VRK1: variants seen among roughly 807,000 people sequenced by gnomAD.
VRK1 encodes VRK serine/threonine kinase 1.
A neutral mutation model predicts 57.1 loss-of-function variants in VRK1; 33 were observed. The ratio of observed to expected loss-of-function variants is 0.58; its 90% confidence interval spans 0.44 to 0.77. VRK1 has a LOEUF of 0.77. Among genes scored for constraint, VRK1 ranks in the 30% least tolerant of loss-of-function variants. The probability of loss-of-function intolerance (pLI) is 0.00; values close to 1 mark genes in which losing one functional copy is unlikely to be tolerated. For missense variants in VRK1, 413 were observed against 477.3 expected (o/e 0.87, Z 1.25); for synonymous variants, 137 against 147.8 (o/e 0.93, Z 0.53).
chr14:96,820,732 TATA>T (rs1431937457), intron 1 of VRK1, among the ~76,000 whole-genome samples: 1 of 152,244 alleles, frequency 6.6e-6, no homozygotes, highest in Non-Finnish European at 1.5e-5. Flanking sequence ...AAGAATGTAT[TATA>T]ATATCAAACA....
chr14:96,868,502 C>T (rs557103756), intron 11 of VRK1, among the ~76,000 whole-genome samples: 40 of 152,274 alleles, frequency 2.6e-4, no homozygotes, highest in African/African-American at 9.1e-4. Context: ...ATAGCAAATA[C>T]AGGGCATTTT....
intron 4 of VRK1, among the ~76,000 whole-genome samples, chr14:96,846,851 GTATA>G (rs1887719165): frequency 6.6e-6 from 1 of 151,912 alleles, no homozygotes; most frequent in African/African-American, 2.4e-5. Flanking sequence ...ATGAGATAAA[GTATA>G]TAAGAGGATG....
At chr14:96,864,106 T>G (rs999869500) in intron 11 of VRK1, among the ~76,000 whole-genome samples, 1 of 152,226 alleles carries the variant, frequency 6.6e-6, no homozygotes, top group African/African-American at 2.4e-5. Context: ...TTCTAATGGT[T>G]TGATCATAGT....
rs182942502 is a variant in VRK1, at chr14:96,842,632, G to C, written c.217-3463G>C. 2.6e-5 allele frequency among the ~76,000 whole-genome samples: 4 copies of C among 152,280 alleles called. No homozygotes were observed. The East Asian group carries it at 7.7e-4, about 29-fold the overall frequency. On this transcript the variant is annotated intron_variant, in intron 3 of 12. Coordinates refer to ENST00000216639, the MANE Select transcript of VRK1 (RefSeq NM_003384.3). ...AAATGTTACGAAATAAAGGCAAATT[G>C]ATTTTCTAATGTGAAATTTTACTTA...
At position 96,843,888 on chromosome 14, in the gene VRK1, T is replaced by C. The variant is rs187771990; in HGVS notation, c.217-2207T>C. On this transcript the variant is annotated intron_variant, in intron 3 of 12. Coordinates refer to ENST00000216639, the MANE Select transcript of VRK1 (RefSeq NM_003384.3). ...TGAGCTCAGAGAGCCTTCCTTGTAG[T>C]GGGCTTTCATTATAATAGCCTGATT... Among the ~76,000 whole-genome samples the C allele has an allele frequency of 3.0e-4, 45 of 152,332 alleles. 1 individual carries two copies. The East Asian group carries it at 8.7e-3, about 29-fold the overall frequency.
intron 1 of VRK1, among the ~76,000 whole-genome samples, chr14:96,829,754 C>T (rs1029482550): frequency 5.9e-5 from 9 of 152,096 alleles, no homozygotes; most frequent in African/African-American, 2.2e-4. Flanking sequence ...GATAGTTGTA[C>T]TATATCTACA....
intron 3 of VRK1, among the ~76,000 whole-genome samples, chr14:96,845,044 G>A (rs1693856829): frequency 6.6e-6 from 1 of 152,070 alleles, no homozygotes; most frequent in South Asian, 2.1e-4. Context: ...AAGGTAGTAG[G>A]CCTCATTACT....
intron 1 of VRK1, among the ~76,000 whole-genome samples, chr14:96,799,550 TGAAGC>T (rs1476870703): frequency 1.3e-5 from 2 of 152,216 alleles, no homozygotes; most frequent in South Asian, 2.1e-4. Flanking sequence ...TATTTGGAAA[TGAAGC>T]GAAGCTTTAA....
At chr14:96,798,868 A>G (rs146620687) in intron 1 of VRK1, among the ~76,000 whole-genome samples, 99 of 152,322 alleles carry the variant, frequency 6.5e-4, no homozygotes, top group African/African-American at 2.3e-3. Flanking sequence ...TCTGTTACCT[A>G]TAGAAGGGAA....
chr14:96,824,462 A>G (rs28640027), intron 1 of VRK1, among the ~76,000 whole-genome samples: 7,236 of 152,224 alleles, frequency 0.048, 193 homozygotes, highest in Non-Finnish European at 0.063. Flanking sequence ...GCTAGATTTC[A>G]TAGCATGGAA....
At chr14:96,861,359 TATTG>T (rs1288435720) in intron 11 of VRK1, among the ~76,000 whole-genome samples, 5 of 152,202 alleles carry the variant, frequency 3.3e-5, no homozygotes, top group Non-Finnish European at 7.4e-5. Context: ...ACTGATTTGC[TATTG>T]ATTATTTTTG....
intron 11 of VRK1, among the ~76,000 whole-genome samples, chr14:96,871,994 C>T (rs915762993): frequency 5.3e-5 from 8 of 151,970 alleles, no homozygotes; most frequent in African/African-American, 2.4e-5. Context: ...TTAGTAGAGA[C>T]GGGGTTTCGC....
At chr14:96,833,173 TTTG>T (rs1384759392) in intron 1 of VRK1, among the ~76,000 whole-genome samples, 4 of 152,208 alleles carry the variant, frequency 2.6e-5, no homozygotes, top group African/African-American at 9.6e-5. Flanking sequence ...AGAGCAATTC[TTTG>T]TTGTTATTAA....
At chr14:96,848,876 C>T (rs1230363723) in intron 5 of VRK1, among the ~76,000 whole-genome samples, 4 of 152,120 alleles carry the variant, frequency 2.6e-5, no homozygotes, top group Admixed American at 6.5e-5. Context: ...GGTCTTTAAT[C>T]GCTTAAATGT....
chr14:96,853,590 A>G lies in VRK1; in HGVS notation c.576+424A>G, dbSNP rs866392125. On this transcript the variant is annotated intron_variant, in intron 7 of 12. Coordinates refer to ENST00000216639, the MANE Select transcript of VRK1 (RefSeq NM_003384.3). ...GTTGATTATTCAAATCAATTGGTTT[A>G]CAGAAATATCTTAGCTGTCTAAATT... Among the ~76,000 whole-genome samples, 7 of 152,218 alleles carry G rather than the reference A, an allele frequency of 4.6e-5. 1 individual carries two copies. In the Middle Eastern group the frequency reaches 0.014, roughly 296 times the overall value.
chr14:96,801,847 G>C (rs1885675090), intron 1 of VRK1, among the ~76,000 whole-genome samples: 1 of 152,100 alleles, frequency 6.6e-6, no homozygotes, highest in Admixed American at 6.6e-5. Flanking sequence ...TCATTGTCTT[G>C]GTGTTGAGTA....
intron 3 of VRK1, among the ~76,000 whole-genome samples, chr14:96,838,799 C>T (rs73357321): frequency 0.027 from 4,121 of 152,166 alleles, 185 homozygotes; most frequent in African/African-American, 0.094. Flanking sequence ...CATTTTGTTT[C>T]GTTTTACTCT....
chr14:96,811,232 C>CT (rs753170044), intron 1 of VRK1, among the ~76,000 whole-genome samples: 19 of 152,122 alleles, frequency 1.2e-4, no homozygotes, highest in Non-Finnish European at 2.1e-4. Context: ...CGCCCAGCCT[C>CT]TGATCTTACT....
intron 11 of VRK1, among the ~76,000 whole-genome samples, chr14:96,865,413 C>T (rs1888547080): frequency 6.6e-6 from 1 of 152,148 alleles, no homozygotes; most frequent in Non-Finnish European, 1.5e-5. Flanking sequence ...GTGCCAGTGC[C>T]ACACTGTTTG....
Sources: allele counts gnomAD v4.1 joint callset (sites outside exome capture counted in the v4.1 genomes callset), GRCh38; gene constraint gnomAD v4.1.1; transcripts MANE v1.5; gene names NCBI Gene and HGNC (gene_info 2026-07-23, HGNC 2026-07-21).